Variants in PCCA observed in about 807,000 individuals in gnomAD.
PCCA encodes propionyl-CoA carboxylase alpha chain, mitochondrial.
PCCA carries 74 observed loss-of-function variants against 101.3 expected under a neutral mutation model. That is an observed-to-expected ratio of 0.73 (90% CI 0.61 to 0.89). The LOEUF (loss-of-function observed/expected upper bound fraction) is 0.89, where lower values mean the gene tolerates loss of function less well. PCCA is among the 40% of genes least tolerant of loss of function. The pLI is 0.00. For missense variants in PCCA, 891 were observed against 907.0 expected (o/e 0.98, Z 0.23); for synonymous variants, 294 against 313.6 (o/e 0.94, Z 0.66).
intron 19 of PCCA, among the ~76,000 whole-genome samples, chr13:100,424,668 C>T (rs2079027444): frequency 6.6e-6 from 1 of 152,142 alleles, no homozygotes; most frequent in Non-Finnish European, 1.5e-5. Context: ...TCCACTGCCA[C>T]CCCCGCCCTA....
intron 12 of PCCA, among the ~76,000 whole-genome samples, chr13:100,300,828 A>G (rs1484206756): frequency 1.3e-5 from 2 of 152,242 alleles, no homozygotes; most frequent in African/African-American, 4.8e-5. Flanking sequence ...CAGCCCAAGT[A>G]GTTATCAGCA....
chr13:100,241,745 A>G (rs1456885123), intron 8 of PCCA, among the ~76,000 whole-genome samples: 1 of 152,154 alleles, frequency 6.6e-6, no homozygotes, highest in Admixed American at 6.6e-5. Context: ...GATTATAGAC[A>G]TGAGCCACTG....
chr13:100,491,649 G>C (rs2084916950), intron 21 of PCCA: 9 of 1,303,964 alleles, frequency 6.9e-6, no homozygotes, highest in Non-Finnish European at 9.1e-6. Context: ...CTTTTTTGTA[G>C]CCCTGGAGAA....
intron 21 of PCCA, among the ~76,000 whole-genome samples, chr13:100,484,601 CT>C (rs1258462746): frequency 2.0e-5 from 3 of 152,148 alleles, no homozygotes; most frequent in Non-Finnish European, 4.4e-5. Flanking sequence ...TTTTTCCCCC[CT>C]GTAGATATAT....
intron 4 of PCCA, among the ~76,000 whole-genome samples, chr13:100,132,258 T>TGC (rs1288339197): frequency 1.1e-4 from 1 of 9,216 alleles, no homozygotes; most frequent in Non-Finnish European, 2.6e-4. Flanking sequence ...ACAATCAGAA[T>TGC]GCAGAGTAGT....
intron 21 of PCCA, among the ~76,000 whole-genome samples, chr13:100,467,018 A>G (rs1485917298): frequency 3.3e-5 from 5 of 152,138 alleles, no homozygotes; most frequent in Non-Finnish European, 4.4e-5. Flanking sequence ...GGTACCTAGC[A>G]CCGTATGTTT....
At chr13:100,298,634 CCCTCCCT>C (rs1566890342) in intron 12 of PCCA, among the ~76,000 whole-genome samples, 2 of 5,210 alleles carry the variant, frequency 3.8e-4, no homozygotes, top group African/African-American at 1.1e-3. Context: ...TCCCTCCCCT[CCCTCCCT>C]CCCTCCCTCC....
chr13:100,314,890 TG>T (rs1212887191), intron 16 of PCCA, among the ~76,000 whole-genome samples: 1 of 152,134 alleles, frequency 6.6e-6, no homozygotes, highest in Non-Finnish European at 1.5e-5. Flanking sequence ...GGGTCATAAG[TG>T]GGACAATTGG....
intron 10 of PCCA, among the ~76,000 whole-genome samples, chr13:100,263,785 GGTATCTGTATATCATATATACA>G (rs1180191817): frequency 1.9e-4 from 28 of 149,930 alleles, no homozygotes; most frequent in Admixed American, 3.3e-4. Flanking sequence ...TCATATATAC[GGTATCTGTATATCATATATACA>G]GTATCTGTAT....
At chr13:100,528,653 C>T (rs910418130) in intron 23 of PCCA, among the ~76,000 whole-genome samples, 1 of 152,158 alleles carries the variant, frequency 6.6e-6, no homozygotes, top group Admixed American at 6.5e-5. Flanking sequence ...GCCAGGGGCT[C>T]CTGAGCCCAG....
At chr13:100,283,171 A>C (rs900171244) in intron 12 of PCCA, among the ~76,000 whole-genome samples, 3 of 152,210 alleles carry the variant, frequency 2.0e-5, no homozygotes, top group Non-Finnish European at 4.4e-5. Flanking sequence ...TGTGAGATCA[A>C]ACCTTGGCCT....
At chr13:100,240,286 T>A (rs1345315440) in intron 8 of PCCA, among the ~76,000 whole-genome samples, 1 of 152,156 alleles carries the variant, frequency 6.6e-6, no homozygotes, top group African/African-American at 2.4e-5. Flanking sequence ...CCAGTCTTAT[T>A]GTATACTACT....
In PCCA at chr13:100,126,860, G is replaced by A. The variant is rs80119900; in HGVS notation, c.300+14799G>A. On this transcript the variant is annotated intron_variant, in intron 4 of 23. Transcript: ENST00000376285. Reference sequence around the variant, plus strand: ...CTTTCTACCAAACTGTGACTTTCATGTATTAACTTAATTAAAGCAGTGTTA... The same window carrying A: ...CTTTCTACCAAACTGTGACTTTCATATATTAACTTAATTAAAGCAGTGTTA... Among the ~76,000 whole-genome samples, 1,125 of 152,202 alleles carry A rather than the reference G, an allele frequency of 7.4e-3. 16 individuals carry two copies. Among genetic ancestry groups the A allele is most frequent in the African/African-American group, 0.026 (1,074 of 41,514 alleles).
At chr13:100,450,380 C>T (rs35093653) in intron 21 of PCCA, among the ~76,000 whole-genome samples, 32,582 of 150,370 alleles carry the variant, frequency 0.22, 4,640 homozygotes, top group East Asian at 0.54. Flanking sequence ...TGTGACAGAG[C>T]GAGACCCCGT....
intron 1 of PCCA, among the ~76,000 whole-genome samples, chr13:100,095,479 T>G (rs541318115): frequency 1.3e-5 from 2 of 152,302 alleles, no homozygotes; most frequent in South Asian, 2.1e-4. Flanking sequence ...GAGTGAGAAG[T>G]GCTCTCGAAG....
At chr13:100,282,529 C>T (rs2064215646) in intron 12 of PCCA, among the ~76,000 whole-genome samples, 1 of 152,194 alleles carries the variant, frequency 6.6e-6, no homozygotes, top group African/African-American at 2.4e-5. Flanking sequence ...TTGGCGGGCC[C>T]CACACTCAGA....
intron 18 of PCCA, among the ~76,000 whole-genome samples, chr13:100,350,347 A>G (rs1035062459): frequency 2.0e-5 from 3 of 152,226 alleles, no homozygotes; most frequent in African/African-American, 4.8e-5. Flanking sequence ...TACAATAAAA[A>G]AAAATAGCAC....
intron 20 of PCCA, among the ~76,000 whole-genome samples, chr13:100,440,382 A>G (rs1410567933): frequency 6.6e-6 from 1 of 151,074 alleles, no homozygotes; most frequent in Non-Finnish European, 1.5e-5. Context: ...TTGTAACCTT[A>G]AATTTCAGTT....
chr13:100,263,065 C>T (rs1290085846), intron 10 of PCCA, among the ~76,000 whole-genome samples: 1 of 152,068 alleles, frequency 6.6e-6, no homozygotes, highest in Non-Finnish European at 1.5e-5. Flanking sequence ...AAGACTGGAC[C>T]ATTATAGGGC....
Sources: gnomAD v4.1 joint callset for allele counts (sites outside exome capture counted in the v4.1 genomes callset) on GRCh38, gnomAD v4.1.1 for gene constraint, MANE v1.5 for transcripts, NCBI Gene and HGNC (gene_info 2026-07-23, HGNC 2026-07-21) for gene names.